The following HEXB variants were observed in gnomAD, a reference collection of about 807,000 sequenced individuals.
HEXB encodes the protein beta-hexosaminidase subunit beta.
A neutral mutation model predicts 71.2 loss-of-function variants in HEXB; 51 were observed. The ratio of observed to expected loss-of-function variants is 0.72; its 90% CI spans 0.57 to 0.90. The LOEUF is 0.90. Among genes scored for constraint, HEXB ranks in the 40% least tolerant of loss-of-function variants. HEXB has a pLI of 0.00. For missense variants in HEXB, 617 were observed against 677.0 expected (o/e 0.91, Z 0.98); for synonymous variants, 266 against 249.3 (o/e 1.07, Z -0.63).
chr5:74,648,168 G>A (rs139752815), intron 1 of HEXB, among the ~76,000 whole-genome samples: 116 of 152,288 alleles, frequency 7.6e-4, no homozygotes, highest in Non-Finnish European at 1.3e-3. Flanking sequence ...GATACTTGAG[G>A]ATTATAGAGC....
chr5:74,715,247 G>A (rs532893328), intron 7 of HEXB, among the ~76,000 whole-genome samples: 6 of 152,298 alleles, frequency 3.9e-5, no homozygotes, highest in African/African-American at 7.2e-5. Context: ...AAGAAAAAGC[G>A]TTGAGGCAAA....
At chr5:74,654,396 G>A (rs775978194) in intron 1 of HEXB, among the ~76,000 whole-genome samples, 7 of 152,094 alleles carry the variant, frequency 4.6e-5, no homozygotes, top group South Asian at 2.1e-4. Flanking sequence ...CTGACAAGAC[G>A]CAGCATTGCA....
At chr5:74,706,502 ACTCG>A (rs1311409985) in intron 6 of HEXB, among the ~76,000 whole-genome samples, 1 of 152,208 alleles carries the variant, frequency 6.6e-6, no homozygotes. Context: ...GCGTTGCCTC[ACTCG>A]GGAAGCGCAA....
At chr5:74,664,953 G>A (rs958670570) in intron 1 of HEXB, among the ~76,000 whole-genome samples, 1 of 152,142 alleles carries the variant, frequency 6.6e-6, no homozygotes, top group Admixed American at 6.5e-5. Context: ...TTGGAGAAGC[G>A]CATTTGGGAC....
intron 1 of HEXB, among the ~76,000 whole-genome samples, chr5:74,670,281 T>C (rs1748508690): frequency 6.6e-6 from 1 of 150,592 alleles, no homozygotes; most frequent in Admixed American, 6.6e-5. Flanking sequence ...CAGTACACAC[T>C]CCCTATTCTG....
chr5:74,650,886 A>G (rs1294693591), intron 1 of HEXB, among the ~76,000 whole-genome samples: 1 of 143,418 alleles, frequency 7.0e-6, no homozygotes, highest in Non-Finnish European at 1.5e-5. Context: ...GGATCACGCC[A>G]CTGCACTCCA....
At chr5:74,676,551 C>G (rs1748633364) in intron 1 of HEXB, among the ~76,000 whole-genome samples, 1 of 152,122 alleles carries the variant, frequency 6.6e-6, no homozygotes, top group Non-Finnish European at 1.5e-5. Context: ...TGGATCGCTT[C>G]AGCCAGGAGT....
At chr5:74,710,918 G>T (rs969230902) in intron 6 of HEXB, among the ~76,000 whole-genome samples, 2 of 151,982 alleles carry the variant, frequency 1.3e-5, no homozygotes, top group African/African-American at 4.8e-5. Flanking sequence ...TTTCTTCACA[G>T]AATTGGAAAA....
At chr5:74,708,574 C>T (rs1243314370) in intron 6 of HEXB, among the ~76,000 whole-genome samples, 6 of 151,588 alleles carry the variant, frequency 4.0e-5, no homozygotes, top group South Asian at 2.1e-4. Context: ...CACATAGGCT[C>T]GATATAAAAG....
chr5:74,665,760 T>G lies in HEXB; in HGVS notation c.-376-23568T>G, dbSNP rs368962060. 5.6e-4 allele frequency among the ~76,000 whole-genome samples: 86 copies of G among 152,302 alleles called. No individual in the cohort carries two copies. The South Asian group carries it at 0.018, about 31-fold the overall frequency. On this transcript the variant is annotated intron_variant, in intron 1 of 13. Coordinates refer to the HEXB transcript ENST00000511181. ...AGAAGGGAAATTTTATATACCGAATTCTTTTTTTTTAAGCCAGTTCCCTGT... is the reference window on the plus strand; with the variant it reads ...AGAAGGGAAATTTTATATACCGAATGCTTTTTTTTTAAGCCAGTTCCCTGT...
intron 1 of HEXB, among the ~76,000 whole-genome samples, chr5:74,643,359 A>C (rs1384465653): frequency 1.3e-5 from 2 of 152,228 alleles, no homozygotes; most frequent in Non-Finnish European, 2.9e-5. Context: ...TTGTACAGGA[A>C]GAAACTTCTA....
rs1749810092 is a variant in HEXB at position 74,720,645 on chromosome 5, C to G, written c.1511C>G (p.Pro504Arg). The stretch of plus-strand genomic sequence containing the variant: ...GGGATGTGTGATTTAAATTTTAGGC[C>G]TCGGGCAAGTGCTGTTGGTGAGAGA... The part of the protein sequence containing the change: ...DATNLTPRLW[P>R]RASAVGERLW... The change falls in exon 13 of 14, where the codon CCT (proline) becomes CGT (arginine). Residue 504 changes from proline (P) to arginine (R), a missense_variant and splice_region_variant. By Grantham distance (103) the Pro-to-Arg change is moderately radical (BLOSUM62 -2). Coordinates refer to ENST00000261416, the MANE Select transcript of HEXB (RefSeq NM_000521.4). 1 of 1,613,838 alleles carries G rather than the reference C, an allele frequency of 6.2e-7. No individual in the cohort carries two copies. The highest frequency in any genetic ancestry group is 8.5e-7 in the Non-Finnish European group (1 of 1,179,820).
At position 74,652,357 on chromosome 5, in the gene HEXB, G is replaced by A. The variant is rs1287190432; in HGVS notation, c.-377+11799G>A. Reference sequence around the variant, plus strand: ...TTTCAGAGCTGTGCTCTCCTAGTGTGTGGGCCTCCTGGCCCACGTGTCCAG... The same window carrying A: ...TTTCAGAGCTGTGCTCTCCTAGTGTATGGGCCTCCTGGCCCACGTGTCCAG... On this transcript the variant is annotated intron_variant, in intron 1 of 13. Transcript: ENST00000511181. This position sits in a 1 kb window ranked among gnomAD's most constrained non-coding sequence, Gnocchi z 5.4. 6.6e-6 allele frequency among the ~76,000 whole-genome samples: 1 copy of A among 152,052 alleles called. No homozygotes were observed. The highest frequency in any genetic ancestry group is 2.4e-5 in the African/African-American group (1 of 41,398).
At chr5:74,650,550 T>G (rs977708134) in intron 1 of HEXB, among the ~76,000 whole-genome samples, 1 of 152,176 alleles carries the variant, frequency 6.6e-6, no homozygotes, top group African/African-American at 2.4e-5. Flanking sequence ...AGGGGTCTGC[T>G]GCCTTTCCTC....
intron 1 of HEXB, among the ~76,000 whole-genome samples, chr5:74,644,248 G>A (rs1287020232): frequency 6.6e-6 from 1 of 152,250 alleles, no homozygotes; most frequent in Non-Finnish European, 1.5e-5. Flanking sequence ...TGGCCTCACA[G>A]GTTGTCTGCA....
rs376274813 is a variant in HEXB, at chr5:74,641,581, CCTT to C, written c.-377+1026_-377+1028del. ...TCTCCTAGCGATTAAGCCTCCATCACCTTCTCCTGTTTTTTATCGCTCGGTGGT... is the reference window on the plus strand; with the variant it reads ...TCTCCTAGCGATTAAGCCTCCATCACCTCCTGTTTTTTATCGCTCGGTGGT... On this transcript the variant is annotated intron_variant, in intron 1 of 13. Coordinates refer to the HEXB transcript ENST00000511181. The surrounding 1 kb of genome is among the most constrained non-coding windows in gnomAD (Gnocchi z 4.1). 4.3e-3 allele frequency among the ~76,000 whole-genome samples: 649 copies of C among 152,330 alleles called. 5 individuals carry two copies. The highest frequency in any genetic ancestry group is 0.015 in the African/African-American group (616 of 41,574).
chr5:74,652,506 G>C lies in HEXB; in HGVS notation c.-377+11948G>C, dbSNP rs1748137155. On this transcript the variant is annotated intron_variant, in intron 1 of 13. Transcript: ENST00000511181. This position sits in a 1 kb window ranked among gnomAD's most constrained non-coding sequence, Gnocchi z 5.4. ...TTTGCAAAATTTTTTACATTCAAAAGAGTCCTCATAGTTGGGTATAGTTAG... is the reference window on the plus strand; with the variant it reads ...TTTGCAAAATTTTTTACATTCAAAACAGTCCTCATAGTTGGGTATAGTTAG... Among the ~76,000 whole-genome samples the C allele has an allele frequency of 6.6e-6, 1 of 152,210 alleles. No individual in the cohort carries two copies. The highest frequency in any genetic ancestry group is 1.5e-5 in the Non-Finnish European group (1 of 68,036).
Position 74,652,768 on chromosome 5 carries a change from T to C in HEXB, c.-377+12210T>C, listed in dbSNP as rs1196917894. 6.6e-6 allele frequency among the ~76,000 whole-genome samples: 1 copy of C among 152,058 alleles called. No homozygotes were observed. The highest frequency in any genetic ancestry group is 1.5e-5 in the Non-Finnish European group (1 of 68,020). On this transcript the variant is annotated intron_variant, in intron 1 of 13. Coordinates refer to the HEXB transcript ENST00000511181. This position sits in a 1 kb window ranked among gnomAD's most constrained non-coding sequence, Gnocchi z 5.4. ...TCTGCCCACAGCACCAGCTCCGAGA[T>C]AACCATCACCCTCTCTGAGCTCCAA...
At chr5:74,658,596 A>G (rs1748262233) in intron 1 of HEXB, among the ~76,000 whole-genome samples, 1 of 152,032 alleles carries the variant, frequency 6.6e-6, no homozygotes, top group South Asian at 2.1e-4. Context: ...GGCCGCAATA[A>G]AACTCCTGAA....
Sources: gnomAD v4.1 joint callset for allele counts (sites outside exome capture counted in the v4.1 genomes callset) on GRCh38, gnomAD v4.1.1 for gene constraint, Gnocchi (gnomAD v3.1) non-coding constraint, MANE v1.5 for transcripts, NCBI Gene and HGNC (gene_info 2026-07-23, HGNC 2026-07-21) for gene names.